CWC27: variants seen among roughly 807,000 people sequenced by gnomAD.
CWC27 encodes the protein spliceosome-associated protein CWC27 homolog.
CWC27 carries 47 observed loss-of-function variants against 63.6 expected under a neutral mutation model. The ratio of observed to expected loss-of-function variants is 0.74; its 90% CI spans 0.58 to 0.94. CWC27 has a LOEUF of 0.94. Ranked by LOEUF, CWC27 falls within the 40% of genes least tolerant of loss-of-function variation. The probability of loss-of-function intolerance (pLI) is 0.00; values close to 1 mark genes in which losing one functional copy is unlikely to be tolerated. For synonymous variants in CWC27, 175 were observed against 179.8 expected, an observed-to-expected ratio of 0.97 and a Z score of 0.22; for missense variants, 495 against 554.3, an observed-to-expected ratio of 0.89 and a Z score of 1.07.
At chr5:64,873,353 T>C (rs902072417) in intron 10 of CWC27, among the ~76,000 whole-genome samples, 1 of 152,054 alleles carries the variant, frequency 6.6e-6, no homozygotes, top group Non-Finnish European at 1.5e-5. Flanking sequence ...CAAAACAACA[T>C]TCCTTCTAAT....
At chr5:64,784,266 C>A (rs1483763697) in intron 4 of CWC27, among the ~76,000 whole-genome samples, 8 of 152,102 alleles carry the variant, frequency 5.3e-5, no homozygotes, top group Non-Finnish European at 1.5e-5. Context: ...TGCCACTTAG[C>A]CAATATTGAT....
intron 10 of CWC27, among the ~76,000 whole-genome samples, chr5:64,879,774 G>A (rs1174691004): frequency 6.9e-6 from 1 of 145,284 alleles, no homozygotes; most frequent in East Asian, 2.0e-4. Flanking sequence ...ACTAAGAACA[G>A]TTGAGAAATC....
At chr5:64,840,384 AAAAAAAAAAAATATATATATATATAT>A (rs1162266296) in intron 10 of CWC27, among the ~76,000 whole-genome samples, 9 of 67,230 alleles carry the variant, frequency 1.3e-4, no homozygotes, top group African/African-American at 5.4e-4. Flanking sequence ...AAAAAAAAAA[AAAAAAAAAAAATATATATATATATAT>A]ATATATATAT....
At chr5:64,898,685 G>C (rs189776585) in intron 11 of CWC27, among the ~76,000 whole-genome samples, 37 of 152,110 alleles carry the variant, frequency 2.4e-4, no homozygotes, top group Admixed American at 1.4e-3. Context: ...CAAGCAGATG[G>C]ATAAAGACTC....
chr5:65,001,351 C>T (rs924561401), intron 13 of CWC27, among the ~76,000 whole-genome samples: 7 of 151,950 alleles, frequency 4.6e-5, no homozygotes, highest in African/African-American at 1.7e-4. Flanking sequence ...CTTCCAGTAC[C>T]ATGTTGAATA....
intron 13 of CWC27, among the ~76,000 whole-genome samples, chr5:65,003,150 C>A (rs1202473724): frequency 6.6e-6 from 1 of 152,118 alleles, no homozygotes; most frequent in Non-Finnish European, 1.5e-5. Context: ...CTTTTTCCAT[C>A]CCTTCATTTT....
chr5:64,960,823 G>A (rs961189155), intron 11 of CWC27, among the ~76,000 whole-genome samples: 1 of 151,720 alleles, frequency 6.6e-6, no homozygotes, highest in Non-Finnish European at 1.5e-5. Context: ...ATGTTGTTCA[G>A]GCTGGCTTTG....
At chr5:64,896,473 T>A (rs962314486) in intron 11 of CWC27, among the ~76,000 whole-genome samples, 3 of 152,158 alleles carry the variant, frequency 2.0e-5, no homozygotes, top group African/African-American at 7.2e-5. Context: ...CATAACAACA[T>A]AGTATATAAC....
intron 11 of CWC27, among the ~76,000 whole-genome samples, chr5:64,909,287 T>C (rs1747733140): frequency 6.6e-6 from 1 of 152,206 alleles, no homozygotes; most frequent in Non-Finnish European, 1.5e-5. Context: ...CAGTGGAAAC[T>C]GAGACTGACA....
At chr5:64,844,265 G>A (rs112108170) in intron 10 of CWC27, among the ~76,000 whole-genome samples, 150 of 152,250 alleles carry the variant, frequency 9.9e-4, no homozygotes, top group African/African-American at 3.3e-3. Flanking sequence ...GCCTGGAGTC[G>A]GGTAGAAATA....
chr5:65,004,522 C>G (rs975327646), intron 13 of CWC27, among the ~76,000 whole-genome samples: 1 of 150,114 alleles, frequency 6.7e-6, no homozygotes, highest in Non-Finnish European at 1.5e-5. Context: ...TTGAATTCTT[C>G]AGTTTTAGAC....
At chr5:65,004,016 T>C (rs1167406429) in intron 13 of CWC27, among the ~76,000 whole-genome samples, 2 of 152,092 alleles carry the variant, frequency 1.3e-5, no homozygotes, top group Non-Finnish European at 2.9e-5. Context: ...AGCTAATTTT[T>C]GTATTTTTAG....
chr5:65,008,277 C>A (rs1749886572), intron 13 of CWC27, among the ~76,000 whole-genome samples: 1 of 152,192 alleles, frequency 6.6e-6, no homozygotes, highest in South Asian at 2.1e-4. Flanking sequence ...TTGTGTAAAT[C>A]TGAACTGTTC....
At chr5:65,002,218 G>A (rs1749744019) in intron 13 of CWC27, among the ~76,000 whole-genome samples, 1 of 151,466 alleles carries the variant, frequency 6.6e-6, no homozygotes, top group African/African-American at 2.4e-5. Context: ...TGTTAGTCTT[G>A]CTAACAATTT....
At chr5:64,843,595 T>C (rs550702478) in intron 10 of CWC27, among the ~76,000 whole-genome samples, 138 of 152,276 alleles carry the variant, frequency 9.1e-4, no homozygotes, top group African/African-American at 3.2e-3. Flanking sequence ...TATAATATTA[T>C]GTAAATGTTT....
At chr5:64,977,363 G>A (rs573662986) in intron 13 of CWC27, 125 bp downstream of exon 13, 6 of 577,854 alleles carry the variant, frequency 1.0e-5, no homozygotes, top group Admixed American at 3.7e-5. Flanking sequence ...ATAGGACCTC[G>A]GCAACTTTTG....
chr5:64,896,677 A>G (rs1196077078), intron 11 of CWC27, among the ~76,000 whole-genome samples: 3 of 143,988 alleles, frequency 2.1e-5, no homozygotes, highest in Admixed American at 6.9e-5. Flanking sequence ...TGGAATTAGG[A>G]AAAAAAAAAA....
chr5:64,828,079 C>A (rs980201377), intron 10 of CWC27, among the ~76,000 whole-genome samples: 2 of 152,100 alleles, frequency 1.3e-5, no homozygotes, highest in Non-Finnish European at 2.9e-5. Context: ...TGGAATGTAT[C>A]CCTCTTGGAT....
intron 10 of CWC27, among the ~76,000 whole-genome samples, chr5:64,830,610 A>C (rs898599281): frequency 1.4e-4 from 21 of 152,286 alleles, no homozygotes; most frequent in Non-Finnish European, 2.4e-4. Flanking sequence ...TCTGCACAGC[A>C]AAAGAAACTA....
Sources: allele counts gnomAD v4.1 joint callset (sites outside exome capture counted in the v4.1 genomes callset), GRCh38; gene constraint gnomAD v4.1.1; transcripts MANE v1.5; gene names NCBI Gene and HGNC (gene_info 2026-07-23, HGNC 2026-07-21).